RBM6: variants seen among roughly 807,000 people sequenced by gnomAD.
The protein encoded by RBM6 is RNA binding motif protein 6, also known as RNA-binding protein 6.
A neutral mutation model predicts 140.4 loss-of-function variants in RBM6; 23 were observed. The observed-to-expected ratio is 0.16, with a 90% confidence interval of 0.12 to 0.23. The LOEUF (loss-of-function observed/expected upper bound fraction) is 0.23. Ranked by LOEUF, RBM6 falls within the 10% of genes least tolerant of loss-of-function variation. The probability of loss-of-function intolerance (pLI) is 1.00; values close to 1 mark genes in which losing one functional copy is unlikely to be tolerated. For synonymous variants in RBM6, 439 were observed against 475.6 expected (o/e 0.92, Z 1.00); for missense variants, 1,139 against 1,386.7 (o/e 0.82, Z 2.84).
chr3:50,015,046 C>CAAAAA (rs71080566), intron 6 of RBM6, among the ~76,000 whole-genome samples: 1 of 52,854 alleles, frequency 1.9e-5, no homozygotes, highest in Non-Finnish European at 3.1e-5. Flanking sequence ...GAGACTGTCT[C>CAAAAA]AAAAAAAAAA....
intron 2 of RBM6, among the ~76,000 whole-genome samples, chr3:49,965,612 G>A (rs1213278293): frequency 6.6e-6 from 1 of 151,958 alleles, no homozygotes; most frequent in Admixed American, 6.6e-5. Context: ...GGAGCTTGCA[G>A]TGAGCCAATA....
At chr3:50,026,735 A>G (rs901244295) in intron 6 of RBM6, among the ~76,000 whole-genome samples, 1 of 151,860 alleles carries the variant, frequency 6.6e-6, no homozygotes, top group Non-Finnish European at 1.5e-5. Context: ...AACATGGTGA[A>G]TCCCCATATC....
chr3:50,011,106 A>G (rs1353756781), intron 6 of RBM6, among the ~76,000 whole-genome samples: 1 of 151,850 alleles, frequency 6.6e-6, no homozygotes, highest in Non-Finnish European at 1.5e-5. Context: ...TGATGCCTGT[A>G]GTTTCAGCTA....
In RBM6 at chr3:49,999,612, A is replaced by G. The variant is rs1348764251; in HGVS notation, c.1557+99A>G. ...GATTTTACTTTGGAAAGGTACAAGA[A>G]GTCTATCTGTGGAGCATACTGTATT... On this transcript the variant is annotated intron_variant, in intron 6 of 20. Coordinates refer to ENST00000266022, the MANE Select transcript of RBM6 (RefSeq NM_005777.3). 6.7e-6 allele frequency: 7 copies of G among 1,040,022 alleles called. No homozygotes were observed. In the East Asian group the frequency reaches 1.2e-4, roughly 18 times the overall value. 64.4% of individuals were successfully genotyped at this position (1,040,022 alleles called of 1,614,324 possible).
At chr3:50,014,288 C>T (rs1056898421) in intron 6 of RBM6, among the ~76,000 whole-genome samples, 8 of 152,116 alleles carry the variant, frequency 5.3e-5, no homozygotes, top group African/African-American at 1.9e-4. Context: ...GGGGTAGGAG[C>T]TGTAGAATAA....
intron 6 of RBM6, among the ~76,000 whole-genome samples, chr3:50,031,623 TA>T (rs1410430312): frequency 2.0e-5 from 3 of 151,938 alleles, no homozygotes; most frequent in Non-Finnish European, 4.4e-5. Flanking sequence ...GAGATATACT[TA>T]ATGTAAATGA....
chr3:49,984,676 A>G lies in RBM6; in HGVS notation c.1483+9284A>G, dbSNP rs115506516. ...GCATCGCATCGCATTGCATCACATCACATCACAACATAACATAAATTTTCA... is the reference window on the plus strand; with the variant it reads ...GCATCGCATCGCATTGCATCACATCGCATCACAACATAACATAAATTTTCA... On this transcript the variant is annotated intron_variant, in intron 5 of 20. Coordinates refer to ENST00000266022, the MANE Select transcript of RBM6 (RefSeq NM_005777.3). Among the ~76,000 whole-genome samples, 364 of 150,836 alleles carry G rather than the reference A, an allele frequency of 2.4e-3. 2 individuals carry two copies. The highest frequency in any genetic ancestry group is 8.3e-3 in the African/African-American group (340 of 40,816).
chr3:50,075,678 G>A (rs990218168), intron 20 of RBM6, among the ~76,000 whole-genome samples: 1 of 152,186 alleles, frequency 6.6e-6, no homozygotes, highest in African/African-American at 2.4e-5. Context: ...CTCTGAGAGG[G>A]ACTGTCAGCG....
chr3:50,034,244 G>A (rs7634441), intron 6 of RBM6, among the ~76,000 whole-genome samples: 92,155 of 151,424 alleles, frequency 0.61, 28,561 homozygotes, highest in East Asian at 0.88. Context: ...TCGGCATCCC[G>A]AAGTGCTGGG....
At position 50,025,587 on chromosome 3, in the gene RBM6, A is replaced by ATT. The variant is rs761261742; in HGVS notation, c.1558-22640_1558-22639dup. 4.8e-5 allele frequency among the ~76,000 whole-genome samples: 6 copies of ATT among 124,442 alleles called. 1 individual carries two copies. Among genetic ancestry groups the ATT allele is most frequent in the African/African-American group, 9.0e-5 (3 of 33,346 alleles). 81.6% of individuals were successfully genotyped at this position (124,442 alleles called of 152,430 possible). On this transcript the variant is annotated intron_variant, in intron 6 of 20. Coordinates refer to ENST00000266022, the MANE Select transcript of RBM6 (RefSeq NM_005777.3). ...AACCTTTTATATATATACAACTTTA[A>ATT]TTTTTTTTTTTTTTTTTTTAAGAGA...
intron 6 of RBM6, among the ~76,000 whole-genome samples, chr3:50,017,913 T>A (rs1054021605): frequency 4.6e-5 from 7 of 152,208 alleles, no homozygotes; most frequent in African/African-American, 1.7e-4. Flanking sequence ...ATTTCTGTTC[T>A]TACATGAAGC....
chr3:49,951,717 A>T (rs940351102), intron 1 of RBM6, among the ~76,000 whole-genome samples: 38 of 131,628 alleles, frequency 2.9e-4, no homozygotes, highest in South Asian at 7.5e-4. Context: ...TATTATTATT[A>T]TTTTTTTGTT....
At chr3:50,044,911 TAAGA>T (rs1370702808) in intron 6 of RBM6, among the ~76,000 whole-genome samples, 1 of 152,190 alleles carries the variant, frequency 6.6e-6, no homozygotes, top group Non-Finnish European at 1.5e-5. Flanking sequence ...ATAATTTTTT[TAAGA>T]GAGAAAAAGA....
intron 6 of RBM6, among the ~76,000 whole-genome samples, chr3:50,022,026 C>A (rs952082290): frequency 4.6e-5 from 7 of 151,644 alleles, no homozygotes; most frequent in African/African-American, 1.7e-4. Flanking sequence ...TGCACTGTAG[C>A]CTGGGTGACA....
At position 50,043,326 on chromosome 3, in the gene RBM6, T is replaced by C. The variant is rs540697928; in HGVS notation, c.1558-4919T>C. Reference sequence around the variant, plus strand: ...GGTGAAACCCCATCTCTACTAAAAATACAAAAATTATCCCGGTGTAGTGGC... The same window carrying C: ...GGTGAAACCCCATCTCTACTAAAAACACAAAAATTATCCCGGTGTAGTGGC... On this transcript the variant is annotated intron_variant, in intron 6 of 20. Transcript: ENST00000266022. Among the ~76,000 whole-genome samples the C allele has an allele frequency of 4.0e-5, 6 of 151,542 alleles. No individual in the cohort carries two copies. The South Asian group carries it at 6.3e-4, about 16-fold the overall frequency.
At chr3:49,961,478 C>G (rs1315850545) in intron 1 of RBM6, among the ~76,000 whole-genome samples, 1 of 152,002 alleles carries the variant, frequency 6.6e-6, no homozygotes, top group Non-Finnish European at 1.5e-5. Context: ...CCACCGTGCC[C>G]GACCCCAGAG....
intron 7 of RBM6, among the ~76,000 whole-genome samples, chr3:50,053,357 C>T (rs576896121): frequency 6.8e-4 from 103 of 152,190 alleles, no homozygotes; most frequent in Non-Finnish European, 1.1e-3. Flanking sequence ...CATGGAGAAA[C>T]CCTGCCTCTA....
At chr3:50,002,346 C>T (rs2086378886) in intron 6 of RBM6, among the ~76,000 whole-genome samples, 1 of 151,742 alleles carries the variant, frequency 6.6e-6, no homozygotes, top group Admixed American at 6.6e-5. Context: ...ATTGCAACCT[C>T]TACCTCCTGG....
chr3:50,009,393 A>T (rs1406380780), intron 6 of RBM6, among the ~76,000 whole-genome samples: 1 of 152,126 alleles, frequency 6.6e-6, no homozygotes, highest in Non-Finnish European at 1.5e-5. Context: ...GTTATTAGGT[A>T]TCTTCTTCAT....
Sources: allele counts gnomAD v4.1 joint callset (sites outside exome capture counted in the v4.1 genomes callset), GRCh38; gene constraint gnomAD v4.1.1; transcripts MANE v1.5; gene names NCBI Gene and HGNC (gene_info 2026-07-23, HGNC 2026-07-21).